Variants in ZNF536 observed in about 807,000 individuals in gnomAD.
The protein encoded by ZNF536 is zinc finger protein 536.
ZNF536 carries 13 observed loss-of-function variants against 84.5 expected under a neutral mutation model. The ratio of observed to expected loss-of-function variants is 0.15; its 90% confidence interval spans 0.10 to 0.24. ZNF536 has a LOEUF of 0.24. Among genes scored for constraint, ZNF536 ranks in the 10% least tolerant of loss-of-function variants. The probability of loss-of-function intolerance (pLI) is 1.00; values close to 1 mark genes in which losing one functional copy is unlikely to be tolerated. For missense variants in ZNF536, 1,536 were observed against 1,747.5 expected (o/e 0.88, Z 2.16); for synonymous variants, 811 against 742.5 (o/e 1.09, Z -1.50).
At chr19:30,512,805 G>A (rs1022288397) in intron 2 of ZNF536, among the ~76,000 whole-genome samples, 3 of 152,132 alleles carry the variant, frequency 2.0e-5, no homozygotes, top group Non-Finnish European at 2.9e-5. Context: ...CTGCAAGTTC[G>A]AATTACTTTC....
At chr19:30,476,305 G>A (rs1344714972) in intron 2 of ZNF536, among the ~76,000 whole-genome samples, 2 of 152,152 alleles carry the variant, frequency 1.3e-5, no homozygotes, top group Non-Finnish European at 2.9e-5. Flanking sequence ...CGTGGACTCT[G>A]GCCATTAGCA....
chr19:30,613,746 C>T (rs574753626), intron 1 of ZNF536, among the ~76,000 whole-genome samples: 7 of 152,228 alleles, frequency 4.6e-5, no homozygotes, highest in South Asian at 2.1e-4. Context: ...CCAAATTGAG[C>T]GACCATAGAT....
chr19:30,560,339 C>A (rs1466671741), downstream of ZNF536, among the ~76,000 whole-genome samples: 2 of 151,940 alleles, frequency 1.3e-5, no homozygotes, highest in African/African-American at 4.8e-5. Context: ...CATAAACCAT[C>A]ATCCATCCCT....
chr19:30,495,380 T>A (rs1288488637), intron 2 of ZNF536, among the ~76,000 whole-genome samples: 1 of 152,180 alleles, frequency 6.6e-6, no homozygotes, highest in African/African-American at 2.4e-5. Context: ...AAGTCAGCAG[T>A]TAATAAATAT....
chr19:30,701,585 C>A (rs2051985449), intron 1 of ZNF536, among the ~76,000 whole-genome samples: 1 of 152,112 alleles, frequency 6.6e-6, no homozygotes, highest in Non-Finnish European at 1.5e-5. Context: ...ATGGTACACA[C>A]CCCTTCAGGG....
chr19:30,293,149 G>C (rs1038996776), intron 2 of ZNF536, among the ~76,000 whole-genome samples: 1 of 152,054 alleles, frequency 6.6e-6, no homozygotes, highest in African/African-American at 2.4e-5. Flanking sequence ...GCTGTCTTGG[G>C]CACTCCTTTT....
chr19:30,534,778 A>G (rs531230598), intron 2 of ZNF536, 69 bp from the exon 3 acceptor site: 4 of 1,488,928 alleles, frequency 2.7e-6, no homozygotes, highest in East Asian at 2.4e-5. Context: ...GTGTGGTGTT[A>G]GCAGTTTTGG....
At chr19:30,284,762 C>T (rs2045571774) in intron 2 of ZNF536, among the ~76,000 whole-genome samples, 1 of 152,164 alleles carries the variant, frequency 6.6e-6, no homozygotes, top group South Asian at 2.1e-4. Flanking sequence ...TGTAATTAGC[C>T]CAGCCCACCT....
chr19:30,550,023 C>A (rs191206947), intron 4 of ZNF536, among the ~76,000 whole-genome samples: 4 of 152,336 alleles, frequency 2.6e-5, no homozygotes, highest in South Asian at 2.1e-4. Flanking sequence ...AATAAAGCGA[C>A]CTTCTCTCCA....
rs201984847 is a variant in ZNF536 at position 30,443,967 on chromosome 19, C to T, written c.405C>T (p.Cys135=). 1.8e-4 allele frequency: 287 copies of T among 1,613,606 alleles called. No homozygotes were observed. The Middle Eastern group carries it at 2.6e-3, about 15-fold the overall frequency. Residue 135 remains cysteine, a synonymous_variant, in exon 2 of 5, where the codon TGC becomes TGT. Transcript: ENST00000355537. The part of the protein sequence containing the change: ...RKNRKYPCPL[C]GKRFRFNSIL... ...ACCGCAAGTACCCGTGCCCACTCTGCGGCAAGCGCTTCCGCTTCAACAGCA... is the reference window on the plus strand; with the variant it reads ...ACCGCAAGTACCCGTGCCCACTCTGTGGCAAGCGCTTCCGCTTCAACAGCA...
chr19:30,647,835 C>CT (rs1434752441), intron 1 of ZNF536, among the ~76,000 whole-genome samples: 1 of 152,188 alleles, frequency 6.6e-6, no homozygotes, highest in Non-Finnish European at 1.5e-5. Flanking sequence ...ATGCCCCCAG[C>CT]TGTCCTACAG....
intron 3 of ZNF536, among the ~76,000 whole-genome samples, chr19:30,353,071 T>A (rs1263832715): frequency 6.6e-6 from 1 of 152,176 alleles, no homozygotes; most frequent in African/African-American, 2.4e-5. Context: ...AAAAATAAAA[T>A]GAAACATTTA....
intron 1 of ZNF536, among the ~76,000 whole-genome samples, chr19:30,669,187 CCTGT>C (rs2050450107): frequency 1.3e-5 from 2 of 152,214 alleles, no homozygotes; most frequent in South Asian, 2.1e-4. Context: ...GCTGGCGCTC[CCTGT>C]CTGTTTTTGG....
intron 1 of ZNF536, among the ~76,000 whole-genome samples, chr19:30,658,522 A>G (rs1299199172): frequency 2.0e-5 from 3 of 151,698 alleles, no homozygotes; most frequent in Non-Finnish European, 4.4e-5. Flanking sequence ...CCTGGAATGA[A>G]TGACAACCTC....
At chr19:30,419,304 A>G (rs2050858258) in intron 1 of ZNF536, among the ~76,000 whole-genome samples, 1 of 152,180 alleles carries the variant, frequency 6.6e-6, no homozygotes, top group Non-Finnish European at 1.5e-5. Flanking sequence ...TTTTCTCACT[A>G]TAAATAGCAT....
At chr19:30,236,341 G>C (rs772271185) in intron 1 of ZNF536, among the ~76,000 whole-genome samples, 7 of 152,206 alleles carry the variant, frequency 4.6e-5, no homozygotes, top group Non-Finnish European at 1.0e-4. Flanking sequence ...CAAAAAGCCA[G>C]ACACTCCATC....
At chr19:30,370,826 T>C (rs1195405570), upstream of ZNF536, among the ~76,000 whole-genome samples, 1 of 152,224 alleles carries the variant, frequency 6.6e-6, no homozygotes, top group East Asian at 1.9e-4. Flanking sequence ...TTTGGAAGTG[T>C]TTGTTTTTAA....
chr19:30,547,850 G>A, intron 3 of ZNF536, 93 bp from the exon 4 acceptor site: 1 of 1,420,612 alleles, frequency 7.0e-7, no homozygotes, highest in Non-Finnish European at 9.4e-7. Flanking sequence ...GAGCTGCTTT[G>A]TTTCAAAGAA....
intron 1 of ZNF536, among the ~76,000 whole-genome samples, chr19:30,233,600 A>T (rs1158444642): frequency 6.6e-6 from 1 of 151,956 alleles, no homozygotes; most frequent in African/African-American, 2.4e-5. Context: ...CTCCCACCTC[A>T]GCCTACCAAA....
Sources: allele counts gnomAD v4.1 joint callset (sites outside exome capture counted in the v4.1 genomes callset), GRCh38; gene constraint gnomAD v4.1.1; transcripts MANE v1.5; gene names NCBI Gene and HGNC (gene_info 2026-07-23, HGNC 2026-07-21).